Variants in MDGA2 observed in about 807,000 individuals in gnomAD.
The protein encoded by MDGA2 is MAM domain-containing glycosylphosphatidylinositol anchor protein 2.
MDGA2 carries 40 observed loss-of-function variants against 117.8 expected under a neutral mutation model. The ratio of observed to expected loss-of-function variants is 0.34; its 90% CI spans 0.26 to 0.44. The LOEUF (loss-of-function observed/expected upper bound fraction) is 0.44, where lower values mean the gene tolerates loss of function less well. Among genes scored for constraint, MDGA2 ranks in the 20% least tolerant of loss-of-function variants. MDGA2 has a pLI of 1.00. For missense variants in MDGA2, 1,123 were observed against 1,250.6 expected (o/e 0.90, Z 1.54); for synonymous variants, 452 against 439.0 (o/e 1.03, Z -0.37).
chr14:47,301,417 A>G lies in MDGA2; in HGVS notation c.414T>C (p.Arg138=). ...ELTCLVTGHP[R]PQIRWTKTAG... ...GTCACAGTTCGGGACTCACCTGTGG[A>G]CGTGGATGTCCTGTGACTAGACAAG... Residue 138 remains arginine (R), a synonymous_variant, in exon 2 of 17, where the codon CGT becomes CGC. Transcript: ENST00000399232. 1 of 1,551,808 alleles carries G rather than the reference A, an allele frequency of 6.4e-7. No individual in the cohort carries two copies. Among genetic ancestry groups the G allele is most frequent in the African/African-American group, 1.4e-5 (1 of 73,162 alleles).
intron 1 of MDGA2, among the ~76,000 whole-genome samples, chr14:47,327,644 C>T (rs999267419): frequency 2.0e-5 from 3 of 152,150 alleles, no homozygotes; most frequent in African/African-American, 7.2e-5. Flanking sequence ...GATTTATTCA[C>T]ATCGTATAAT....
rs187965914 is a variant in MDGA2, at chr14:46,977,216, G to A, written c.1820-19573C>T. ...GAAATTTCATATCAGAAAAAAAGCCGATTTTCAAATTTCTTCTCTTTTTTT... is the reference window on the plus strand; with the variant it reads ...GAAATTTCATATCAGAAAAAAAGCCAATTTTCAAATTTCTTCTCTTTTTTT... On this transcript the variant is annotated intron_variant, in intron 8 of 16. Transcript: ENST00000399232. Among the ~76,000 whole-genome samples, 770 of 151,570 alleles carry A rather than the reference G, an allele frequency of 5.1e-3. 10 individuals carry two copies. The highest frequency in any genetic ancestry group is 0.017 in the African/African-American group (719 of 41,460).
intron 8 of MDGA2, among the ~76,000 whole-genome samples, chr14:47,018,119 A>G (rs1351283130): frequency 1.3e-5 from 2 of 150,572 alleles, no homozygotes; most frequent in African/African-American, 4.9e-5. Flanking sequence ...TGGAAATATC[A>G]TAATTTTTTT....
At chr14:47,320,849 G>A (rs1763896943) in intron 1 of MDGA2, among the ~76,000 whole-genome samples, 1 of 152,098 alleles carries the variant, frequency 6.6e-6, no homozygotes, top group African/African-American at 2.4e-5. Flanking sequence ...AATGCTTTGA[G>A]TACTTGTGTT....
chr14:47,130,425 C>A (rs1882144602), intron 5 of MDGA2, among the ~76,000 whole-genome samples: 1 of 152,050 alleles, frequency 6.6e-6, no homozygotes, highest in Non-Finnish European at 1.5e-5. Context: ...AATCAGTGTT[C>A]CTCCATTGCT....
chr14:47,471,542 C>T (rs542996637), intron 1 of MDGA2, among the ~76,000 whole-genome samples: 33 of 152,158 alleles, frequency 2.2e-4, no homozygotes, highest in African/African-American at 6.5e-4. Context: ...ATTTTTAGAA[C>T]TAGTCTTCTC....
intron 1 of MDGA2, among the ~76,000 whole-genome samples, chr14:47,353,815 T>C (rs1890935611): frequency 2.0e-5 from 3 of 152,164 alleles, no homozygotes; most frequent in Admixed American, 2.0e-4. Flanking sequence ...AAGGCCATCA[T>C]TACCATGATA....
At chr14:47,486,743 C>A (rs956416024) in intron 1 of MDGA2, among the ~76,000 whole-genome samples, 1 of 152,130 alleles carries the variant, frequency 6.6e-6, no homozygotes, top group Admixed American at 6.5e-5. Context: ...ATGGGAATTT[C>A]TCTTCACAAG....
chr14:46,957,458 T>A lies in MDGA2; in HGVS notation c.2005A>T (p.Ser669Cys), dbSNP rs375671698. Residue 669 changes from serine (S) to cysteine (C), a missense_variant, in exon 9 of 17, where the codon AGT becomes TGT. By Grantham distance (112) the Ser-to-Cys change is moderately radical. This residue lies in a region of MDGA2 where 890 missense variants were observed against 1,050.3 expected (regional missense o/e 0.85). Coordinates refer to ENST00000399232, the MANE Select transcript of MDGA2 (RefSeq NM_001113498.3). Reference protein sequence around the residue: ...SQEYTEYAVKSLSNENYGVYN... With the variant: ...SQEYTEYAVKCLSNENYGVYN... ...ACCCCATAGTTTTCATTGGAAAGAC[T>A]CTTCACAGCGTACTCTGTGTATTCC... 1.2e-6 allele frequency: 2 copies of A among 1,613,998 alleles called. No individual in the cohort carries two copies. Among genetic ancestry groups the A allele is most frequent in the Non-Finnish European group, 1.7e-6 (2 of 1,180,008 alleles).
chr14:47,384,030 T>TAGAC (rs1566763512), intron 1 of MDGA2, among the ~76,000 whole-genome samples: 1 of 87,888 alleles, frequency 1.1e-5, no homozygotes, highest in Admixed American at 1.2e-4. Context: ...ATAGATTAGA[T>TAGAC]AAAGAGATAA....
chr14:46,915,968 C>A (rs1883883203), intron 10 of MDGA2, among the ~76,000 whole-genome samples: 1 of 152,098 alleles, frequency 6.6e-6, no homozygotes. Flanking sequence ...TGGAGGTTGT[C>A]TACAAACCTC....
At chr14:46,862,261 T>C (rs1881539872) in intron 14 of MDGA2, among the ~76,000 whole-genome samples, 1 of 151,802 alleles carries the variant, frequency 6.6e-6, no homozygotes, top group African/African-American at 2.4e-5. Context: ...TGCTAGAGCT[T>C]AGAGGACTTT....
intron 2 of MDGA2, among the ~76,000 whole-genome samples, chr14:47,262,623 T>C (rs567132347): frequency 6.6e-5 from 10 of 152,236 alleles, no homozygotes; most frequent in Non-Finnish European, 7.4e-5. Context: ...ATCTGAAGAA[T>C]AGAAGTTCAA....
chr14:47,548,090 T>C (rs1470920034), intron 1 of MDGA2, among the ~76,000 whole-genome samples: 1 of 152,156 alleles, frequency 6.6e-6, no homozygotes, highest in African/African-American at 2.4e-5. Context: ...CAAACTAAAA[T>C]ATATTTGTAC....
chr14:47,630,178 T>C (rs1030996719), intron 1 of MDGA2, among the ~76,000 whole-genome samples: 1 of 152,056 alleles, frequency 6.6e-6, no homozygotes, highest in African/African-American at 2.4e-5. Flanking sequence ...AGGCACTTAA[T>C]TGTTGTACTT....
At position 47,673,632 on chromosome 14, in the gene MDGA2, A is replaced by ATGATGTGTGTG. The variant is rs1555340909; in HGVS notation, c.280+884_280+885insCACACACATCA. Among the ~76,000 whole-genome samples, 5 of 144,076 alleles carry ATGATGTGTGTG rather than the reference A, an allele frequency of 3.5e-5. No individual in the cohort carries two copies. In the East Asian group the frequency reaches 1.1e-3, roughly 31 times the overall value. 94.5% of individuals were successfully genotyped at this position (144,076 alleles called of 152,430 possible). ...TAGTCCACTATTAACTATGACCTGG[A>ATGATGTGTGTG]TGTGTGTGTGTGTGTGTGTGTGTGT... On this transcript the variant is annotated intron_variant, in intron 1 of 16. Transcript: ENST00000399232.
chr14:47,451,339 T>G (rs928805440), intron 1 of MDGA2, among the ~76,000 whole-genome samples: 2 of 147,870 alleles, frequency 1.4e-5, no homozygotes, highest in African/African-American at 5.0e-5. Context: ...ATAAATAGAT[T>G]TGAATGGAAA....
At chr14:47,479,383 T>C (rs943584939) in intron 1 of MDGA2, among the ~76,000 whole-genome samples, 2 of 151,896 alleles carry the variant, frequency 1.3e-5, no homozygotes, top group African/African-American at 4.8e-5. Context: ...AATCCTGATA[T>C]AAAGTCAGAA....
At chr14:47,601,020 A>G (rs539928974) in intron 1 of MDGA2, among the ~76,000 whole-genome samples, 1 of 152,356 alleles carries the variant, frequency 6.6e-6, no homozygotes, top group Admixed American at 6.5e-5. Context: ...GAGTAACAGT[A>G]TAAGTATGTT....
Sources: allele counts gnomAD v4.1 joint callset (sites outside exome capture counted in the v4.1 genomes callset), GRCh38; gene constraint gnomAD v4.1.1; regional missense constraint gnomAD v4.1.1; transcripts MANE v1.5; gene names NCBI Gene and HGNC (gene_info 2026-07-23, HGNC 2026-07-21).